RNF17: variants seen among roughly 807,000 people sequenced by gnomAD.
The protein encoded by RNF17 is spermatogenesis associated 23.
Under a neutral mutation model 200.5 loss-of-function variants are expected in RNF17, and 31 were observed. The ratio of observed to expected loss-of-function variants is 0.15; its 90% CI spans 0.12 to 0.21. The LOEUF (loss-of-function observed/expected upper bound fraction) is 0.21, where lower values mean the gene tolerates loss of function less well. RNF17 is among the 10% of genes least tolerant of loss of function. The pLI is 1.00. For synonymous variants in RNF17, 606 were observed against 637.8 expected (o/e 0.95, Z 0.75); for missense variants, 1,628 against 1,905.1 (o/e 0.85, Z 2.71).
chr13:24,884,384 T>C, downstream of RNF17: 1 of 1,614,104 alleles, frequency 6.2e-7, no homozygotes, highest in Non-Finnish European at 8.5e-7. Context: ...AGTGATGGTC[T>C]TCCCATCTGC....
Position 24,864,023 on chromosome 13 carries a change from A to G in RNF17, c.3976-850A>G, listed in dbSNP as rs140843014. Among the ~76,000 whole-genome samples, 567 of 152,318 alleles carry G rather than the reference A, an allele frequency of 3.7e-3. 3 individuals carry two copies. The highest frequency in any genetic ancestry group is 6.5e-3 in the Non-Finnish European group (439 of 68,028). ...CTTCCATTTCAGTGGTGGGAAAGAG[A>G]AAATAAACTATGAGGAGTATTAGAT... On this transcript the variant is annotated intron_variant, in intron 28 of 35. Coordinates refer to ENST00000255324, the MANE Select transcript of RNF17 (RefSeq NM_031277.3).
At chr13:24,771,638 C>CT (rs11361522) in intron 2 of RNF17, among the ~76,000 whole-genome samples, 3,728 of 140,492 alleles carry the variant, frequency 0.027, 162 homozygotes, top group African/African-American at 0.087. Context: ...CTAGGTAGGG[C>CT]TTTTTTTTTT....
intron 11 of RNF17, among the ~76,000 whole-genome samples, chr13:24,797,709 TG>T (rs1566146932): frequency 9.6e-5 from 14 of 146,144 alleles, no homozygotes; most frequent in East Asian, 8.0e-4. Flanking sequence ...ACAAAGAGTG[TG>T]TGTGTGTGTG....
chr13:24,871,222 T>C (rs1469730306), intron 32 of RNF17, among the ~76,000 whole-genome samples: 2 of 152,238 alleles, frequency 1.3e-5, no homozygotes, highest in Non-Finnish European at 2.9e-5. Flanking sequence ...GTGATTCTCC[T>C]CTGAGGAAAA....
intron 6 of RNF17, among the ~76,000 whole-genome samples, chr13:24,786,608 C>A (rs1292658474): frequency 1.3e-5 from 2 of 152,104 alleles, no homozygotes; most frequent in Admixed American, 1.3e-4. Flanking sequence ...ACTCCCTCAG[C>A]TTTTGTTTAT....
chr13:24,779,755 CT>C lies in RNF17; in HGVS notation c.510+11del. On this transcript the variant is annotated intron_variant, in intron 5 of 35. Coordinates refer to ENST00000255324, the MANE Select transcript of RNF17 (RefSeq NM_031277.3). ...TTAAGCATTGCTGGAAAAGTAAGCA[CT>C]TTGCAGGATTAAATTCTATCATGAA... is the stretch of plus-strand genomic sequence containing the variant. 1 of 1,602,766 alleles carries C rather than the reference CT, an allele frequency of 6.2e-7. No individual in the cohort carries two copies. Among genetic ancestry groups the C allele is most frequent in the East Asian group, 2.2e-5 (1 of 44,754 alleles).
At chr13:24,820,821 C>T (rs979874703) in intron 15 of RNF17, among the ~76,000 whole-genome samples, 10 of 152,096 alleles carry the variant, frequency 6.6e-5, no homozygotes, top group African/African-American at 2.4e-4. Context: ...TCTTTTGCTG[C>T]TTCCCAGATT....
chr13:24,787,896 CT>C, intron 6 of RNF17, 91 bp from the exon 7 acceptor site: 1 of 959,006 alleles, frequency 1.0e-6, no homozygotes, highest in Non-Finnish European at 1.5e-6. Context: ...AATTCATCAA[CT>C]ACTGAACTTA....
intron 19 of RNF17, among the ~76,000 whole-genome samples, 160 bp from the exon 20 acceptor site, chr13:24,843,584 A>G (rs1343348730): frequency 1.3e-5 from 2 of 152,172 alleles, no homozygotes; most frequent in African/African-American, 4.8e-5. Flanking sequence ...ATTGAAGTAT[A>G]ACTTATATAC....
intron 33 of RNF17, among the ~76,000 whole-genome samples, 165 bp downstream of exon 33, chr13:24,874,414 CTTT>C (rs67456137): frequency 3.6e-5 from 5 of 137,256 alleles, no homozygotes; most frequent in Admixed American, 1.5e-4. Context: ...ACCATTGTAG[CTTT>C]TTTTTTTTTT....
intron 8 of RNF17, 97 bp downstream of exon 8, chr13:24,789,521 G>T (rs1293817866): frequency 2.3e-5 from 23 of 1,019,348 alleles, no homozygotes; most frequent in Non-Finnish European, 3.3e-5. Flanking sequence ...TGAAATTTTG[G>T]GTCACAAATG....
At chr13:24,882,089 T>TATATATAGATACATCTATATAG (rs1953869054), downstream of RNF17, among the ~76,000 whole-genome samples, 1 of 3,774 alleles carries the variant, frequency 2.6e-4, no homozygotes, top group African/African-American at 4.3e-4. Context: ...GATACATCTA[T>TATATATAGATACATCTATATAG]ATATATAGAT....
intron 13 of RNF17, 49 bp from the exon 14 acceptor site, chr13:24,802,332 T>A (rs1168011665): frequency 1.4e-6 from 2 of 1,469,660 alleles, no homozygotes; most frequent in South Asian, 2.6e-5. Context: ...CATTGTAACA[T>A]TAGCGATACT....
intron 11 of RNF17, among the ~76,000 whole-genome samples, chr13:24,797,249 AGTT>A (rs1232613014): frequency 6.6e-6 from 1 of 152,160 alleles, no homozygotes; most frequent in African/African-American, 2.4e-5. Context: ...TTGTGCTTTA[AGTT>A]GTTAATGATA....
rs577241302 is a variant in RNF17 at position 24,827,689 on chromosome 13, G to A, written c.2245+1917G>A. Among the ~76,000 whole-genome samples, 51 of 90,932 alleles carry A rather than the reference G, an allele frequency of 5.6e-4. 1 individual carries two copies. The South Asian group carries it at 0.022, about 40-fold the overall frequency. 59.7% of individuals were successfully genotyped at this position (90,932 alleles called of 152,430 possible). A position where few individuals can be genotyped will look rare whatever the true frequency, so the allele number is the denominator to read the frequency against. The stretch of plus-strand genomic sequence containing the variant: ...TGCACTCCAGCCTGGGCGACAGAGC[G>A]AGACTCCGTCTCAAAAAAAAAAAAA... On this transcript the variant is annotated intron_variant, in intron 16 of 35. Transcript: ENST00000255324.
chr13:24,857,222 A>AT (rs935684190), intron 25 of RNF17, among the ~76,000 whole-genome samples: 1 of 152,058 alleles, frequency 6.6e-6, no homozygotes, highest in Non-Finnish European at 1.5e-5. Context: ...GCCACTCAGG[A>AT]TTTTACTCTT....
chr13:24,787,485 C>A (rs1883268648), intron 6 of RNF17, among the ~76,000 whole-genome samples: 1 of 152,164 alleles, frequency 6.6e-6, no homozygotes, highest in South Asian at 2.1e-4. Flanking sequence ...CAGTCCTTCA[C>A]TGAGTGGTTG....
At chr13:24,885,590 A>T in the RNF17 span, 2 of 1,580,418 alleles carry the variant, frequency 1.3e-6, no homozygotes, top group Non-Finnish European at 1.7e-6. Context: ...AAGAATATAT[A>T]AAAACAGAGA....
intron 15 of RNF17, among the ~76,000 whole-genome samples, chr13:24,812,328 G>A (rs558816778): frequency 4.6e-5 from 7 of 152,020 alleles, no homozygotes; most frequent in East Asian, 4.0e-4. Context: ...AGCCATGTGC[G>A]GGATATAATC....
Sources: allele counts gnomAD v4.1 joint callset (sites outside exome capture counted in the v4.1 genomes callset), GRCh38; gene constraint gnomAD v4.1.1; transcripts MANE v1.5; gene names NCBI Gene and HGNC (gene_info 2026-07-23, HGNC 2026-07-21).